The following FCHSD2 variants were observed in gnomAD, a reference collection of about 807,000 sequenced individuals.
The protein encoded by FCHSD2 is F-BAR and double SH3 domains protein 2.
FCHSD2 carries 38 observed loss-of-function variants against 108.1 expected under a neutral mutation model. The ratio of observed to expected loss-of-function variants is 0.35; its 90% CI spans 0.27 to 0.46. FCHSD2 has a LOEUF of 0.46. Ranked by LOEUF, FCHSD2 falls within the 20% of genes least tolerant of loss-of-function variation. The pLI is 1.00. For missense variants in FCHSD2, 751 were observed against 897.8 expected, an observed-to-expected ratio of 0.84 and a Z score of 2.09; for synonymous variants, 279 against 314.7, an observed-to-expected ratio of 0.89 and a Z score of 1.20.
intron 3 of FCHSD2, among the ~76,000 whole-genome samples, chr11:73,019,112 A>G (rs1858040134): frequency 6.6e-6 from 1 of 152,226 alleles, no homozygotes; most frequent in Admixed American, 6.5e-5. Context: ...TCTAAATGAC[A>G]TGATAGTGAC....
At chr11:72,846,164 C>T (rs1861135565) in intron 14 of FCHSD2, among the ~76,000 whole-genome samples, 1 of 151,086 alleles carries the variant, frequency 6.6e-6, no homozygotes, top group South Asian at 2.1e-4. Context: ...GATGAGTAAG[C>T]TGCTCCTCCT....
chr11:73,021,141 G>A (rs925746765), intron 3 of FCHSD2, among the ~76,000 whole-genome samples: 1 of 151,776 alleles, frequency 6.6e-6, no homozygotes, highest in Non-Finnish European at 1.5e-5. Context: ...CCTCCCAAAG[G>A]GCTGGGATTA....
chr11:73,079,200 ATTTT>A (rs775568668), intron 3 of FCHSD2, among the ~76,000 whole-genome samples: 2 of 143,362 alleles, frequency 1.4e-5, no homozygotes, highest in Non-Finnish European at 3.1e-5. Context: ...AAGAGAAATA[ATTTT>A]TTTTTTTTTT....
intron 9 of FCHSD2, among the ~76,000 whole-genome samples, chr11:72,905,093 A>C (rs113357204): frequency 0.013 from 1,953 of 152,288 alleles, 43 homozygotes; most frequent in African/African-American, 0.043. Flanking sequence ...TAATTCCCAA[A>C]ACCTGTGAAT....
At chr11:73,003,549 G>C (rs1857670498) in intron 4 of FCHSD2, among the ~76,000 whole-genome samples, 2 of 149,496 alleles carry the variant, frequency 1.3e-5, no homozygotes, top group African/African-American at 5.0e-5. Context: ...TGCAGTGGCG[G>C]GATCTCGGCT....
chr11:72,916,968 CTTTTTTTTTTTTTTTTTTTTTTT>C, intron 9 of FCHSD2, among the ~76,000 whole-genome samples: 1 of 118,776 alleles, frequency 8.4e-6, no homozygotes, highest in African/African-American at 3.3e-5. Flanking sequence ...GAACTTCATT[CTTTTTTTTTTTTTTTTTTTTTTT>C]TTTTTTTTTT....
intron 12 of FCHSD2, among the ~76,000 whole-genome samples, chr11:72,877,733 A>G (rs1333288768): frequency 6.6e-6 from 1 of 152,228 alleles, no homozygotes; most frequent in African/African-American, 2.4e-5. Flanking sequence ...CAGGCTGGGC[A>G]TAGTGGCTCA....
At chr11:72,999,739 G>A (rs1158313906) in intron 5 of FCHSD2, among the ~76,000 whole-genome samples, 4 of 152,170 alleles carry the variant, frequency 2.6e-5, no homozygotes, top group African/African-American at 9.7e-5. Context: ...ATTGAGTAAG[G>A]TGGCAGTAAT....
chr11:73,051,626 C>A (rs1858899423), intron 3 of FCHSD2, among the ~76,000 whole-genome samples: 1 of 152,032 alleles, frequency 6.6e-6, no homozygotes, highest in Non-Finnish European at 1.5e-5. Context: ...TGACTGACAG[C>A]AAAGTTTAAA....
intron 8 of FCHSD2, among the ~76,000 whole-genome samples, chr11:72,963,190 C>A (rs1293236312): frequency 2.0e-5 from 3 of 152,152 alleles, no homozygotes; most frequent in African/African-American, 7.2e-5. Context: ...ATATCCAGAA[C>A]AGTGTTAGGC....
chr11:73,036,392 T>C (rs1053876892), intron 3 of FCHSD2, among the ~76,000 whole-genome samples: 1 of 152,168 alleles, frequency 6.6e-6, no homozygotes, highest in African/African-American at 2.4e-5. Flanking sequence ...TATCGGTCTT[T>C]GGAGTCAAAT....
At position 72,985,062 on chromosome 11, in the gene FCHSD2, CT is replaced by C; in HGVS notation, c.575del (p.Lys192SerfsTer2). The C allele has an allele frequency of 2.4e-6, 3 of 1,226,004 alleles. No homozygotes were observed. The highest frequency in any genetic ancestry group is 2.3e-6 in the Non-Finnish European group (2 of 853,878). 75.9% of individuals were successfully genotyped at this position (1,226,004 alleles called of 1,614,324 possible). A position where few individuals can be genotyped will look rare whatever the true frequency, so the allele number is the denominator to read the frequency against. On this transcript the variant is annotated frameshift_variant and splice_region_variant, in exon 7 of 20. Transcript: ENST00000409418. LOFTEE classifies it high-confidence loss of function. ...SRISLQKASV[K>X]LKARRSECNS... ...TGAAATACACTTATTGAAAACTTAC[CT>C]TTACACTTGCCTTCTGTAAACTGAT...
intron 3 of FCHSD2, among the ~76,000 whole-genome samples, chr11:73,077,148 C>T (rs1032707278): frequency 9.5e-5 from 14 of 147,260 alleles, no homozygotes; most frequent in African/African-American, 2.2e-4. Context: ...AAGTTTGTTA[C>T]GCTCATTCGT....
intron 8 of FCHSD2, among the ~76,000 whole-genome samples, chr11:72,975,453 G>A (rs1033350541): frequency 1.3e-5 from 2 of 152,084 alleles, no homozygotes; most frequent in Admixed American, 1.3e-4. Context: ...GCACAGCAGG[G>A]TGACTATAGT....
Position 72,867,899 on chromosome 11 carries a change from G to A in FCHSD2, c.1274C>T (p.Pro425Leu), listed in dbSNP as rs138320954. The part of the protein sequence containing the change: ...EELENERWAR[P>L]PAVTSNGTLH... ...AGTGCCATTACTGGTCACTGCAGGA[G>A]GGCGGGCCCATCGCTCATTTTCCAG... is the stretch of plus-strand genomic sequence containing the variant. Residue 425 changes from proline (P) to leucine (L), a missense_variant, in exon 13 of 20, where the codon CCT (proline) becomes CTT (leucine). By Grantham distance (98) the Pro-to-Leu change is moderately conservative. Coordinates refer to ENST00000409418, the MANE Select transcript of FCHSD2 (RefSeq NM_014824.3). The A allele has an allele frequency of 1.1e-5, 17 of 1,612,628 alleles. No individual in the cohort carries two copies. The highest frequency in any genetic ancestry group is 1.7e-5 in the Admixed American group (1 of 59,826).
At chr11:72,942,823 C>T (rs971822667) in intron 8 of FCHSD2, among the ~76,000 whole-genome samples, 1 of 152,042 alleles carries the variant, frequency 6.6e-6, no homozygotes, top group African/African-American at 2.4e-5. Context: ...GCTCTATCAC[C>T]CAGGCTGGAG....
rs1380771707 is a variant in FCHSD2 at position 73,105,844 on chromosome 11, A to C, written c.120-22104T>G. Among the ~76,000 whole-genome samples, 13 of 152,346 alleles carry C rather than the reference A, an allele frequency of 8.5e-5. No homozygotes were observed. In the East Asian group the frequency reaches 2.5e-3, roughly 29 times the overall value. On this transcript the variant is annotated intron_variant, in intron 2 of 19. Coordinates refer to ENST00000409418, the MANE Select transcript of FCHSD2 (RefSeq NM_014824.3). ...ATGGCAGAATTAACCATAATATTTGAATCTATTAAGTCTGAATGAAGAAAA... is the reference window on the plus strand; with the variant it reads ...ATGGCAGAATTAACCATAATATTTGCATCTATTAAGTCTGAATGAAGAAAA...
At chr11:73,059,065 C>A (rs532134813) in intron 3 of FCHSD2, among the ~76,000 whole-genome samples, 1 of 152,204 alleles carries the variant, frequency 6.6e-6, no homozygotes, top group Non-Finnish European at 1.5e-5. Context: ...GAACTGTACT[C>A]AATTCAACAA....
intron 14 of FCHSD2, chr11:72,843,752 CTCAAGAGGCAATGACGT>C: frequency 1.9e-6 from 1 of 538,146 alleles, no homozygotes; most frequent in Non-Finnish European, 3.3e-6. Flanking sequence ...AAACTGAATC[CTCAAGAGGCAATGACGT>C]TCAATGAACA....
Sources: gnomAD v4.1 joint callset for allele counts (sites outside exome capture counted in the v4.1 genomes callset) on GRCh38, gnomAD v4.1.1 for gene constraint, MANE v1.5 for transcripts, NCBI Gene and HGNC (gene_info 2026-07-23, HGNC 2026-07-21) for gene names.